PRDM12: variants seen among roughly 807,000 people sequenced by gnomAD.
PRDM12 encodes the protein PR domain zinc finger protein 12.
In PRDM12, 17 loss-of-function variants were observed where a neutral mutation model predicts 29.6. That is an observed-to-expected ratio of 0.57 (90% confidence interval 0.39 to 0.86). The LOEUF (loss-of-function observed/expected upper bound fraction) is 0.86, where lower values mean the gene tolerates loss of function less well. Ranked by LOEUF, PRDM12 falls within the 40% of genes least tolerant of loss-of-function variation. PRDM12 has a pLI of 0.00. For missense variants in PRDM12, 422 were observed against 510.8 expected, an observed-to-expected ratio of 0.83 and a Z score of 1.68; for synonymous variants, 231 against 225.8, an observed-to-expected ratio of 1.02 and a Z score of -0.21.
intron 4 of PRDM12, among the ~76,000 whole-genome samples, chr9:130,679,337 T>G (rs1218257552): frequency 1.4e-5 from 2 of 147,742 alleles, no homozygotes; most frequent in Non-Finnish European, 3.0e-5. Flanking sequence ...TTCCTTTTTT[T>G]TTTTTTTTTT....
chr9:130,681,692 C>A lies in PRDM12; in HGVS notation c.*23C>A. On this transcript the variant is annotated 3_prime_UTR_variant, in exon 5 of 5. Transcript: ENST00000253008. The surrounding 1 kb of genome is among the most constrained non-coding windows in gnomAD (Gnocchi z 8.1). ...TGAGCGCGCCCGCGCCCCCGCCGGGCCCCGCGCGCTCCTGGGTCCCCGGCA... is the reference window on the plus strand; with the variant it reads ...TGAGCGCGCCCGCGCCCCCGCCGGGACCCGCGCGCTCCTGGGTCCCCGGCA... The A allele has an allele frequency of 1.0e-6, 1 of 980,786 alleles. No homozygotes were observed. The highest frequency in any genetic ancestry group is 1.2e-6 in the Non-Finnish European group (1 of 827,822). 60.8% of individuals were successfully genotyped at this position (980,786 alleles called of 1,614,324 possible).
intron 3 of PRDM12, among the ~76,000 whole-genome samples, chr9:130,676,902 CCTT>C (rs766777512): frequency 6.0e-5 from 9 of 149,590 alleles, no homozygotes; most frequent in Middle Eastern, 3.4e-3. Context: ...TTCGACCTCC[CCTT>C]CTTCTTCTTT....
intron 1 of PRDM12, among the ~76,000 whole-genome samples, chr9:130,665,920 G>A (rs1186102277): frequency 2.0e-5 from 3 of 152,206 alleles, no homozygotes; most frequent in African/African-American, 7.2e-5. Flanking sequence ...GGGCCGCCGC[G>A]GCTCCTCCCC....
intron 3 of PRDM12, among the ~76,000 whole-genome samples, chr9:130,669,639 C>T (rs893511097): frequency 6.6e-6 from 1 of 150,812 alleles, no homozygotes; most frequent in African/African-American, 2.4e-5. Flanking sequence ...CATGGTGAAA[C>T]CCCGTCTCTA....
chr9:130,666,536 C>G (rs912531594), intron 1 of PRDM12, 72 bp from the exon 2 acceptor site: 13 of 1,554,080 alleles, frequency 8.4e-6, no homozygotes, highest in Non-Finnish European at 1.0e-5. Flanking sequence ...AGCCGGGGTC[C>G]CGGCGGGGAA....
Position 130,681,096 on chromosome 9 carries a change from C to A in PRDM12, c.683-152C>A. 1.3e-6 allele frequency: 1 copy of A among 767,936 alleles called. No individual in the cohort carries two copies. Among genetic ancestry groups the A allele is most frequent in the Non-Finnish European group, 1.8e-6 (1 of 550,932 alleles). 47.6% of individuals were successfully genotyped at this position (767,936 alleles called of 1,614,324 possible). A position where few individuals can be genotyped will look rare whatever the true frequency, so the allele number is the denominator to read the frequency against. On this transcript the variant is annotated intron_variant, in intron 4 of 4. Coordinates refer to ENST00000253008, the MANE Select transcript of PRDM12 (RefSeq NM_021619.3). This position sits in a 1 kb window ranked among gnomAD's most constrained non-coding sequence, Gnocchi z 8.1. ...ACCCTTCGCTGTCCCTCCAGTCCGTCTGCCACCGTCCAAGCAGCACCCACC... is the reference window on the plus strand; with the variant it reads ...ACCCTTCGCTGTCCCTCCAGTCCGTATGCCACCGTCCAAGCAGCACCCACC...
rs1026934208 is a variant in PRDM12 at position 130,668,653 on chromosome 9, A to G, written c.570+340A>G. Among the ~76,000 whole-genome samples, 4 of 152,152 alleles carry G rather than the reference A, an allele frequency of 2.6e-5. No homozygotes were observed. The highest frequency in any genetic ancestry group is 9.7e-5 in the African/African-American group (4 of 41,442). On this transcript the variant is annotated intron_variant, in intron 3 of 4. Coordinates refer to ENST00000253008, the MANE Select transcript of PRDM12 (RefSeq NM_021619.3). This position sits in a 1 kb window ranked among gnomAD's most constrained non-coding sequence, Gnocchi z 4.0. Reference sequence around the variant, plus strand: ...TTCAGGGGTCACAGAGACACAGAGAAGCAAGATGGGGAGAGGCGGCCCAGG... The same window carrying G: ...TTCAGGGGTCACAGAGACACAGAGAGGCAAGATGGGGAGAGGCGGCCCAGG...
At chr9:130,672,279 G>A (rs1489607199) in intron 3 of PRDM12, among the ~76,000 whole-genome samples, 2 of 152,128 alleles carry the variant, frequency 1.3e-5, no homozygotes, top group Admixed American at 6.5e-5. Flanking sequence ...TTGGCTCACT[G>A]CAACCCCTGC....
At position 130,664,716 on chromosome 9, in the gene PRDM12, A is replaced by G. The variant is rs1251715599; in HGVS notation, c.63A>G (p.Gly21=). ...TCAAGACCGGGCTGAAGGCGCCGGG[A>G]CTGGCGCTGGCCGAGGTTATCACCT... ...LVLKTGLKAP[G]LALAEVITSD... Residue 21 remains glycine (G), a synonymous_variant, in exon 1 of 5, where the codon GGA becomes GGG. Coordinates refer to ENST00000253008, the MANE Select transcript of PRDM12 (RefSeq NM_021619.3). The surrounding 1 kb of genome is among the most constrained non-coding windows in gnomAD (Gnocchi z 6.4). 8 of 1,609,174 alleles carry G rather than the reference A, an allele frequency of 5.0e-6. No individual in the cohort carries two copies. Among genetic ancestry groups the G allele is most frequent in the Non-Finnish European group, 6.8e-6 (8 of 1,179,240 alleles).
chr9:130,681,605 T>A lies in PRDM12; in HGVS notation c.1040T>A (p.Leu347His). 1.0e-6 allele frequency: 1 copy of A among 955,020 alleles called. No individual in the cohort carries two copies. The highest frequency in any genetic ancestry group is 1.2e-6 in the Non-Finnish European group (1 of 806,604). 59.2% of individuals were successfully genotyped at this position (955,020 alleles called of 1,614,324 possible). A position where few individuals can be genotyped will look rare whatever the true frequency, so the allele number is the denominator to read the frequency against. ...LPAPHAHAPA[L>H]AAAAAAAAAA... is the part of the protein sequence containing the mutation. ...GCCCCGCACGCGCACGCGCCCGCGC[T>A]CGCCGCCGCCGCCGCCGCCGCCGCC... Residue 347 changes from leucine to histidine, a missense_variant, in exon 5 of 5, where the codon CTC becomes CAC. By Grantham distance (99) the Leu-to-His change is moderately conservative. Transcript: ENST00000253008. The surrounding 1 kb of genome is among the most constrained non-coding windows in gnomAD (Gnocchi z 8.1).
At chr9:130,666,421 C>G (rs1219921775) in intron 1 of PRDM12, among the ~76,000 whole-genome samples, 187 bp from the exon 2 acceptor site, 1 of 152,254 alleles carries the variant, frequency 6.6e-6, no homozygotes, top group African/African-American at 2.4e-5. Context: ...AGGTTGCAAA[C>G]AGAGGAGAGG....
chr9:130,669,747 C>T (rs1261958235), intron 3 of PRDM12, among the ~76,000 whole-genome samples: 9 of 138,796 alleles, frequency 6.5e-5, no homozygotes, highest in African/African-American at 2.5e-4. Flanking sequence ...ACCCGGGAGG[C>T]GGAGCTTGCA....
chr9:130,666,803 G>A lies in PRDM12; in HGVS notation c.414+5G>A, dbSNP rs1830737680. 1.9e-6 allele frequency: 3 copies of A among 1,599,766 alleles called. No homozygotes were observed. The highest frequency in any genetic ancestry group is 1.3e-5 in the African/African-American group (1 of 74,304). Reference sequence around the variant, plus strand: ...AACAACAACCTCATGTGGGAGGTACGCGCGGGCTGGGGCAGAGGGGCGCAA... The same window carrying A: ...AACAACAACCTCATGTGGGAGGTACACGCGGGCTGGGGCAGAGGGGCGCAA... On this transcript the variant is annotated splice_donor_5th_base_variant and intron_variant, in intron 2 of 4. Coordinates refer to ENST00000253008, the MANE Select transcript of PRDM12 (RefSeq NM_021619.3).
At chr9:130,678,457 G>T (rs1289654780) in intron 3 of PRDM12, 72 bp from the exon 4 acceptor site, 1 of 1,104,204 alleles carries the variant, frequency 9.1e-7, no homozygotes, top group African/African-American at 1.6e-5. Flanking sequence ...CTGTGGAGGG[G>T]TGCTCAGAGA....
At chr9:130,667,536 C>CA (rs1246326739) in intron 2 of PRDM12, among the ~76,000 whole-genome samples, 2 of 151,992 alleles carry the variant, frequency 1.3e-5, no homozygotes, top group Admixed American at 6.6e-5. Context: ...CTCCAGCTCC[C>CA]CCCGGCGGAC....
chr9:130,671,338 G>A (rs142877774), intron 3 of PRDM12, among the ~76,000 whole-genome samples: 12 of 140,516 alleles, frequency 8.5e-5, no homozygotes, highest in African/African-American at 2.5e-4. Context: ...GTGAGACTCC[G>A]TCTCAACAAC....
rs1232819574 is a variant in PRDM12, at chr9:130,678,654, A to G, written c.682+14A>G. On this transcript the variant is annotated intron_variant, in intron 4 of 4. Coordinates refer to ENST00000253008, the MANE Select transcript of PRDM12 (RefSeq NM_021619.3). Reference sequence around the variant, plus strand: ...AGAACAAGCATGGTAGGTGTTCCCCATGGGGCCGCTGAGACACAGACCCAT... The same window carrying G: ...AGAACAAGCATGGTAGGTGTTCCCCGTGGGGCCGCTGAGACACAGACCCAT... The G allele has an allele frequency of 1.9e-6, 3 of 1,578,236 alleles. No individual in the cohort carries two copies. The South Asian group carries it at 3.3e-5, about 18-fold the overall frequency.
At chr9:130,674,492 TTGTGTG>T (rs58489448) in intron 3 of PRDM12, among the ~76,000 whole-genome samples, 4,256 of 142,850 alleles carry the variant, frequency 0.03, 62 homozygotes, top group Middle Eastern at 0.039. Flanking sequence ...AAAAGATAAT[TTGTGTG>T]TGTGTGTGTG....
intron 3 of PRDM12, among the ~76,000 whole-genome samples, chr9:130,673,643 G>A (rs1564246867): frequency 6.7e-6 from 1 of 149,198 alleles, no homozygotes; most frequent in Admixed American, 6.7e-5. Context: ...GTACAGGCAT[G>A]TGCCACCACT....
Sources: gnomAD v4.1 joint callset for allele counts (sites outside exome capture counted in the v4.1 genomes callset) on GRCh38, gnomAD v4.1.1 for gene constraint, Gnocchi (gnomAD v3.1) non-coding constraint, MANE v1.5 for transcripts, NCBI Gene and HGNC (gene_info 2026-07-23, HGNC 2026-07-21) for gene names.